Variants in SPIDR observed in about 807,000 individuals in gnomAD.
The protein encoded by SPIDR is scaffold protein involved in DNA repair.
Under a neutral mutation model 104.6 loss-of-function variants are expected in SPIDR, and 93 were observed. That is an observed-to-expected ratio of 0.89 (90% CI 0.75 to 1.06). SPIDR has a LOEUF of 1.06. Ranked by LOEUF, SPIDR falls within the 50% of genes least tolerant of loss-of-function variation. The probability of loss-of-function intolerance (pLI) is 0.00; values close to 1 mark genes in which losing one functional copy is unlikely to be tolerated. For synonymous variants in SPIDR, 431 were observed against 416.9 expected (o/e 1.03, Z -0.41); for missense variants, 1,154 against 1,111.2 (o/e 1.04, Z -0.55).
chr8:47,638,423 C>T (rs1217295588), intron 10 of SPIDR, among the ~76,000 whole-genome samples: 2 of 152,142 alleles, frequency 1.3e-5, no homozygotes, highest in Non-Finnish European at 2.9e-5. Context: ...GGATTACAGG[C>T]GTGAGCCACC....
At chr8:47,497,748 G>C (rs1389559309) in intron 8 of SPIDR, among the ~76,000 whole-genome samples, 1 of 152,112 alleles carries the variant, frequency 6.6e-6, no homozygotes, top group Non-Finnish European at 1.5e-5. Flanking sequence ...CAAGGGTAAA[G>C]GGTTTAGTTT....
intron 5 of SPIDR, among the ~76,000 whole-genome samples, chr8:47,361,195 C>T (rs2055832401): frequency 6.6e-6 from 1 of 152,164 alleles, no homozygotes; most frequent in Non-Finnish European, 1.5e-5. Flanking sequence ...TGGTGATGTT[C>T]ATATGGAGCA....
intron 8 of SPIDR, among the ~76,000 whole-genome samples, chr8:47,490,075 A>G (rs1457504242): frequency 1.3e-5 from 2 of 152,208 alleles, no homozygotes; most frequent in African/African-American, 4.8e-5. Flanking sequence ...AACCTACAGA[A>G]TGGGAGAACA....
In SPIDR at chr8:47,321,417, A is replaced by G. The variant is rs148462763; in HGVS notation, c.525+27387A>G. ...TTGAAGGACTTCTTCAAGGAGAACT[A>G]CAAACCACTGCTCAATGAAATAAAA... On this transcript the variant is annotated intron_variant, in intron 5 of 19. Coordinates refer to ENST00000297423, the MANE Select transcript of SPIDR (RefSeq NM_001080394.4). Among the ~76,000 whole-genome samples, 630 of 152,320 alleles carry G rather than the reference A, an allele frequency of 4.1e-3. 5 individuals are homozygous for G. The highest frequency in any genetic ancestry group is 0.014 in the African/African-American group (597 of 41,566).
At chr8:47,503,960 G>A (rs188686363) in intron 8 of SPIDR, among the ~76,000 whole-genome samples, 7,493 of 152,194 alleles carry the variant, frequency 0.049, 625 homozygotes, top group African/African-American at 0.17. Flanking sequence ...TTGAATATTG[G>A]CCCCCACTCT....
chr8:47,672,380 C>T (rs1300211817), intron 10 of SPIDR, among the ~76,000 whole-genome samples: 5 of 152,180 alleles, frequency 3.3e-5, no homozygotes, highest in Admixed American at 1.3e-4. Flanking sequence ...TCCTATTAGA[C>T]GTGTTAGACC....
intron 10 of SPIDR, among the ~76,000 whole-genome samples, chr8:47,638,447 A>G (rs1395251831): frequency 2.0e-5 from 3 of 152,082 alleles, no homozygotes; most frequent in African/African-American, 7.2e-5. Context: ...CCCGGCCCAA[A>G]TGCATTTTAT....
rs553358605 is a variant in SPIDR, at chr8:47,391,312, A to G, written c.526-5064A>G. Among the ~76,000 whole-genome samples the G allele has an allele frequency of 1.2e-3, 184 of 151,672 alleles. 2 individuals are homozygous for G. Among genetic ancestry groups the G allele is most frequent in the Admixed American group, 3.0e-3 (45 of 15,248 alleles). Reference sequence around the variant, plus strand: ...CAGCACTTTGGGAGGCTGAGGTGGGAGGATGGCTTGAGCTCAGGAATTTGA... The same window carrying G: ...CAGCACTTTGGGAGGCTGAGGTGGGGGGATGGCTTGAGCTCAGGAATTTGA... On this transcript the variant is annotated intron_variant, in intron 5 of 19. Transcript: ENST00000297423.
At chr8:47,468,616 C>A (rs2075251866) in intron 8 of SPIDR, among the ~76,000 whole-genome samples, 1 of 152,156 alleles carries the variant, frequency 6.6e-6, no homozygotes, top group Non-Finnish European at 1.5e-5. Flanking sequence ...GGACTCCATT[C>A]AATAAATGGT....
intron 7 of SPIDR, among the ~76,000 whole-genome samples, chr8:47,415,297 C>G (rs1374238523): frequency 6.6e-6 from 1 of 152,156 alleles, no homozygotes; most frequent in Non-Finnish European, 1.5e-5. Flanking sequence ...ACCATGCCCC[C>G]AGTTTCCCCC....
chr8:47,688,289 A>T (rs1202535413), intron 11 of SPIDR, among the ~76,000 whole-genome samples: 1 of 151,704 alleles, frequency 6.6e-6, no homozygotes, highest in Non-Finnish European at 1.5e-5. Context: ...TGCCCGGCTA[A>T]GTTTTTGTAT....
At chr8:47,519,282 T>G (rs898089031) in intron 8 of SPIDR, among the ~76,000 whole-genome samples, 2 of 152,020 alleles carry the variant, frequency 1.3e-5, no homozygotes, top group Non-Finnish European at 2.9e-5. Flanking sequence ...GTAGCTGGGA[T>G]TACAGGCGCA....
At position 47,562,464 on chromosome 8, in the gene SPIDR, A is replaced by G. The variant is rs553826405; in HGVS notation, c.1098-33347A>G. Among the ~76,000 whole-genome samples the G allele has an allele frequency of 4.2e-3, 635 of 152,206 alleles. 1 individual carries two copies. Among genetic ancestry groups the G allele is most frequent in the Non-Finnish European group, 6.6e-3 (446 of 68,006 alleles). ...TGAAGGGCTTGCCTGGTCTTTGTGA[A>G]AGGATTTCTCTCTCCTCTGCACCCT... is the stretch of plus-strand genomic sequence containing the variant. On this transcript the variant is annotated intron_variant, in intron 8 of 19. Coordinates refer to ENST00000297423, the MANE Select transcript of SPIDR (RefSeq NM_001080394.4).
At chr8:47,414,239 A>G (rs1195089425) in intron 7 of SPIDR, among the ~76,000 whole-genome samples, 1 of 152,222 alleles carries the variant, frequency 6.6e-6, no homozygotes, top group Non-Finnish European at 1.5e-5. Flanking sequence ...GTTACTCACT[A>G]TAGTGAATTG....
At chr8:47,418,545 T>A (rs1289085461) in intron 7 of SPIDR, among the ~76,000 whole-genome samples, 1 of 152,220 alleles carries the variant, frequency 6.6e-6, no homozygotes, top group Non-Finnish European at 1.5e-5. Flanking sequence ...TTTCTAGATA[T>A]ACAATCATGT....
rs1563604444 is a variant in SPIDR at position 47,320,795 on chromosome 8, ATG to A, written c.525+26766_525+26767del. Reference sequence around the variant, plus strand: ...CTGGGATGCAAGGCAGGTTCAACATATGCAAATCAATAAACATAATCCATCAT... The same window carrying A: ...CTGGGATGCAAGGCAGGTTCAACATACAAATCAATAAACATAATCCATCAT... On this transcript the variant is annotated intron_variant, in intron 5 of 19. Transcript: ENST00000297423. 1.3e-4 allele frequency among the ~76,000 whole-genome samples: 20 copies of A among 152,346 alleles called. No individual in the cohort carries two copies. The South Asian group carries it at 3.9e-3, about 30-fold the overall frequency.
intron 7 of SPIDR, among the ~76,000 whole-genome samples, chr8:47,416,061 TG>T (rs1367691551): frequency 6.6e-6 from 1 of 152,114 alleles, no homozygotes; most frequent in African/African-American, 2.4e-5. Flanking sequence ...CTGGCCAACA[TG>T]GTGAAACCCT....
intron 5 of SPIDR, among the ~76,000 whole-genome samples, chr8:47,340,806 T>C (rs1200239497): frequency 6.6e-6 from 1 of 152,208 alleles, no homozygotes; most frequent in Non-Finnish European, 1.5e-5. Context: ...TTCTGGATAC[T>C]AAAGCTCAGT....
In SPIDR at chr8:47,440,457, GC is replaced by G. The variant is rs1353376794; in HGVS notation, c.1013del (p.Ala338ValfsTer3). 1.2e-6 allele frequency: 2 copies of G among 1,614,102 alleles called. No individual in the cohort carries two copies. The highest frequency in any genetic ancestry group is 1.7e-6 in the Non-Finnish European group (2 of 1,180,034). Reference sequence around the variant, plus strand: ...CCAAAGTGTGGCTCCCAGGCCTGGAGCTGGCCTGAAAGTTCTCTTCACCAAG... The same window carrying G: ...CCAAAGTGTGGCTCCCAGGCCTGGAGTGGCCTGAAAGTTCTCTTCACCAAG... ...SSQSVAPRPG[A>X]GLKVLFTKET... is the part of the protein sequence containing the mutation. On this transcript the variant is annotated frameshift_variant, in exon 8 of 20. Coordinates refer to ENST00000297423, the MANE Select transcript of SPIDR (RefSeq NM_001080394.4). LOFTEE classifies it high-confidence loss of function.
Sources: allele counts gnomAD v4.1 joint callset (sites outside exome capture counted in the v4.1 genomes callset), GRCh38; gene constraint gnomAD v4.1.1; transcripts MANE v1.5; gene names NCBI Gene and HGNC (gene_info 2026-07-23, HGNC 2026-07-21).